The following TMPRSS13 variants were observed in gnomAD, a reference collection of about 807,000 sequenced individuals.
TMPRSS13 encodes the protein transmembrane serine protease 13, also known as transmembrane protease serine 13.
A neutral mutation model predicts 68.4 loss-of-function variants in TMPRSS13; 50 were observed. The observed-to-expected ratio is 0.73, with a 90% CI of 0.58 to 0.93. TMPRSS13 has a LOEUF of 0.93. TMPRSS13 is among the 40% of genes least tolerant of loss of function. The pLI is 0.00. For missense variants in TMPRSS13, 615 were observed against 729.2 expected, an observed-to-expected ratio of 0.84 and a Z score of 1.80; for synonymous variants, 267 against 285.8, an observed-to-expected ratio of 0.93 and a Z score of 0.66.
rs754660362 is a variant in TMPRSS13 at position 117,918,433 on chromosome 11, TTGCTGGTGCTGACCTGGCAGGAGA to T, written c.403_426del (p.Ser135_Ala142del). 3.1e-6 allele frequency: 5 copies of T among 1,613,604 alleles called. No individual in the cohort carries two copies. The Admixed American group carries it at 8.3e-5, about 27-fold the overall frequency. ...CCTGGGCTCTCCCTGGTGGCCCTGG[TTGCTGGTGCTGACCTGGCAGGAGA>T]TGATCGGATGGGTACAGCCCCCACT... On this transcript the variant is annotated inframe_deletion, in exon 2 of 13. Transcript: ENST00000524993.
rs111638124 is a variant in TMPRSS13 at position 117,926,164 on chromosome 11, A to G, written c.21+3123T>C. 9.2e-5 allele frequency among the ~76,000 whole-genome samples: 10 copies of G among 108,790 alleles called. No homozygotes were observed. The East Asian group carries it at 1.6e-3, about 17-fold the overall frequency. 71.4% of individuals were successfully genotyped at this position (108,790 alleles called of 152,430 possible). Reference sequence around the variant, plus strand: ...GTCCTTGGAGGACGAGGTGAGGGCTACACACCTGCAGGGGCATAGGGCAGG... The same window carrying G: ...GTCCTTGGAGGACGAGGTGAGGGCTGCACACCTGCAGGGGCATAGGGCAGG... On this transcript the variant is annotated intron_variant, in intron 1 of 12. Transcript: ENST00000524993.
chr11:117,901,930 C>T lies in TMPRSS13; in HGVS notation c.*309G>A, dbSNP rs1432701677. On this transcript the variant is annotated 3_prime_UTR_variant, in exon 13 of 13. Coordinates refer to ENST00000524993, the MANE Select transcript of TMPRSS13 (RefSeq NM_001077263.3). Reference sequence around the variant, plus strand: ...CCTTGGGCTCTGGGCTCCACCTCCTCCATCCATCTATGGACACTCCTGTAG... The same window carrying T: ...CCTTGGGCTCTGGGCTCCACCTCCTTCATCCATCTATGGACACTCCTGTAG... The T allele has an allele frequency of 2.3e-6, 1 of 428,836 alleles. No individual in the cohort carries two copies. The highest frequency in any genetic ancestry group is 4.3e-6 in the Non-Finnish European group (1 of 233,618). The allele number at this position is 428,836 out of a possible 1,614,324, so 26.6% of individuals were successfully genotyped here.
At chr11:117,904,220 G>A in intron 10 of TMPRSS13, 119 bp from the exon 11 acceptor site, 1 of 1,371,606 alleles carries the variant, frequency 7.3e-7, no homozygotes, top group Non-Finnish European at 9.8e-7. Flanking sequence ...GGAATGGAGG[G>A]TGCCATGCCC....
chr11:117,904,489 C>T (rs563547745), intron 10 of TMPRSS13, among the ~76,000 whole-genome samples: 2 of 152,180 alleles, frequency 1.3e-5, no homozygotes, highest in South Asian at 2.1e-4. Context: ...ATCCATTTAC[C>T]GGTGGGGAGG....
intron 5 of TMPRSS13, among the ~76,000 whole-genome samples, chr11:117,912,221 C>T (rs1338092201): frequency 6.6e-6 from 1 of 152,188 alleles, no homozygotes; most frequent in Non-Finnish European, 1.5e-5. Flanking sequence ...TTAACAGGTT[C>T]TCTAGTGATG....
In TMPRSS13 at chr11:117,903,995, A is replaced by G. The variant is rs918137159; in HGVS notation, c.1488T>C (p.Cys496=). 3.1e-6 allele frequency: 5 copies of G among 1,613,154 alleles called. No homozygotes were observed. In the African/African-American group the frequency reaches 5.3e-5, roughly 17 times the overall value. The change falls in exon 11 of 13, where the codon TGT becomes TGC. Residue 496 remains cysteine, a synonymous_variant. Coordinates refer to ENST00000524993, the MANE Select transcript of TMPRSS13 (RefSeq NM_001077263.3). ...CTCTGCCCCCACGAAGGTCCCCAGC[A>G]CACATCATCCTTGGGGTAAGGTAAC... ...YDSYLTPRMM[C]AGDLRGGRDS...
intron 1 of TMPRSS13, among the ~76,000 whole-genome samples, chr11:117,928,105 C>T (rs2134937686): frequency 6.6e-6 from 1 of 152,300 alleles, no homozygotes; most frequent in African/African-American, 2.4e-5. Flanking sequence ...TAGGGACCAT[C>T]TAGTTTAGGC....
chr11:117,919,891 G>A (rs985056231), intron 1 of TMPRSS13, among the ~76,000 whole-genome samples: 4 of 152,266 alleles, frequency 2.6e-5, no homozygotes, highest in African/African-American at 9.6e-5. Context: ...CGTGAACCAC[G>A]TGTACAGAGT....
intron 9 of TMPRSS13, chr11:117,908,190 C>G: frequency 1.7e-6 from 1 of 575,924 alleles, no homozygotes; most frequent in Non-Finnish European, 2.6e-6. Context: ...CTCTGTAAAG[C>G]TCCATTTCCT....
At chr11:117,908,266 T>TC (rs1246164644) in intron 9 of TMPRSS13, 2 of 533,670 alleles carry the variant, frequency 3.7e-6, no homozygotes, top group African/African-American at 3.7e-5. Flanking sequence ...GTAAATGAAA[T>TC]CATATGTGTG....
rs1027040221 is a variant in TMPRSS13 at position 117,914,050 on chromosome 11, C to T, written c.680-144G>A. 2 of 1,028,302 alleles carry T rather than the reference C, an allele frequency of 1.9e-6. No homozygotes were observed. Among genetic ancestry groups the T allele is most frequent in the Admixed American group, 2.6e-5 (1 of 38,026 alleles). The allele number at this position is 1,028,302 out of a possible 1,614,324, so 63.7% of individuals were successfully genotyped here. Reference sequence around the variant, plus strand: ...GCCTGGGAAAAGTCCAGGAACATGGCCTGGGTCATGGGGGTTAACCAGTAC... The same window carrying T: ...GCCTGGGAAAAGTCCAGGAACATGGTCTGGGTCATGGGGGTTAACCAGTAC... On this transcript the variant is annotated intron_variant, in intron 4 of 12. Coordinates refer to ENST00000524993, the MANE Select transcript of TMPRSS13 (RefSeq NM_001077263.3). The surrounding 1 kb of genome is among the most constrained non-coding windows in gnomAD (Gnocchi z 4.2).
chr11:117,910,773 T>C (rs1591621062), intron 6 of TMPRSS13, 23 bp from the exon 7 acceptor site: 1 of 1,601,178 alleles, frequency 6.2e-7, no homozygotes, highest in African/African-American at 1.3e-5. Context: ...ACACAGAAAG[T>C]GGGAAAAGGG....
chr11:117,910,315 G>A (rs1236913737), intron 7 of TMPRSS13, among the ~76,000 whole-genome samples: 1 of 152,142 alleles, frequency 6.6e-6, no homozygotes, highest in African/African-American at 2.4e-5. Context: ...GGGCATTGGG[G>A]TCATGATGGT....
intron 3 of TMPRSS13, among the ~76,000 whole-genome samples, chr11:117,916,832 A>G (rs1214701021): frequency 1.3e-5 from 2 of 152,244 alleles, no homozygotes; most frequent in Non-Finnish European, 2.9e-5. Context: ...TACGGGACAC[A>G]TAGTAATGAA....
chr11:117,918,721 C>T lies in TMPRSS13; in HGVS notation c.139G>A (p.Ala47Thr). 1 of 1,607,276 alleles carries T rather than the reference C, an allele frequency of 6.2e-7. No individual in the cohort carries two copies. The highest frequency in any genetic ancestry group is 1.1e-5 in the South Asian group (1 of 90,570). ...GATGCCCGGCCCGGAGGTGTCCCAG[C>T]TGGAGATGCCTGGGCTGGAGATGCC... Reference protein sequence around the residue: ...AQASPAQASPAGTPPGRASPA... With the variant: ...AQASPAQASPTGTPPGRASPA... Residue 47 changes from alanine to threonine, a missense_variant, in exon 2 of 13, where the codon GCT becomes ACT. Coordinates refer to ENST00000524993, the MANE Select transcript of TMPRSS13 (RefSeq NM_001077263.3).
chr11:117,918,309 G>A (rs779873000), intron 2 of TMPRSS13, 100 bp downstream of exon 2: 94 of 1,287,824 alleles, frequency 7.3e-5, no homozygotes, highest in African/African-American at 1.2e-4. Flanking sequence ...TCCCCGCATC[G>A]TTGTCTGCTA....
chr11:117,924,558 T>C lies in TMPRSS13; in HGVS notation c.21+4729A>G, dbSNP rs76889440. Among the ~76,000 whole-genome samples, 59 of 152,304 alleles carry C rather than the reference T, an allele frequency of 3.9e-4. 2 individuals carry two copies. In the East Asian group the frequency reaches 9.5e-3, roughly 24 times the overall value. On this transcript the variant is annotated intron_variant, in intron 1 of 12. Coordinates refer to ENST00000524993, the MANE Select transcript of TMPRSS13 (RefSeq NM_001077263.3). ...CCTCACTAAACCCTTCTGGAAGCACTGGCGGCACTGAGAAAGATCAGGATC... is the reference window on the plus strand; with the variant it reads ...CCTCACTAAACCCTTCTGGAAGCACCGGCGGCACTGAGAAAGATCAGGATC...
At chr11:117,904,647 C>A (rs1357725336) in intron 10 of TMPRSS13, among the ~76,000 whole-genome samples, 1 of 151,854 alleles carries the variant, frequency 6.6e-6, no homozygotes, top group African/African-American at 2.4e-5. Flanking sequence ...TGGCCTGAGT[C>A]TAACCATGGG....
intron 1 of TMPRSS13, among the ~76,000 whole-genome samples, chr11:117,924,394 A>G (rs1215870224): frequency 2.0e-5 from 3 of 152,030 alleles, no homozygotes; most frequent in Admixed American, 6.6e-5. Context: ...CTCCATGAGA[A>G]AGGACCCTTC....
Sources: allele counts gnomAD v4.1 joint callset (sites outside exome capture counted in the v4.1 genomes callset), GRCh38; gene constraint gnomAD v4.1.1; non-coding constraint Gnocchi (gnomAD v3.1); transcripts MANE v1.5; gene names NCBI Gene and HGNC (gene_info 2026-07-23, HGNC 2026-07-21).